SNX24: variants seen among roughly 807,000 people sequenced by gnomAD.
SNX24 encodes the protein sorting nexin 24.
SNX24 carries 22 observed loss-of-function variants against 28.7 expected under a neutral mutation model. The ratio of observed to expected loss-of-function variants is 0.77; its 90% confidence interval spans 0.55 to 1.10. SNX24 has a LOEUF of 1.10. Ranked by LOEUF, SNX24 falls within the 50% of genes least tolerant of loss-of-function variation. The pLI, the probability that SNX24 is intolerant of heterozygous loss-of-function variation, is 0.00. For synonymous variants in SNX24, 69 were observed against 71.5 expected, an observed-to-expected ratio of 0.96 and a Z score of 0.18; for missense variants, 221 against 201.1, an observed-to-expected ratio of 1.10 and a Z score of -0.60.
chr5:122,881,589 C>G (rs1756482538), intron 1 of SNX24, among the ~76,000 whole-genome samples: 1 of 152,168 alleles, frequency 6.6e-6, no homozygotes, highest in Non-Finnish European at 1.5e-5. Flanking sequence ...GTCTTTCTGA[C>G]TTAGCGTGCT....
At chr5:122,890,404 G>A (rs578069638) in intron 1 of SNX24, among the ~76,000 whole-genome samples, 1 of 151,478 alleles carries the variant, frequency 6.6e-6, no homozygotes, top group Non-Finnish European at 1.5e-5. Flanking sequence ...CTCTCTTGTT[G>A]GCAAAATGAT....
At chr5:122,913,481 C>T (rs1247986976) in intron 1 of SNX24, among the ~76,000 whole-genome samples, 5 of 151,836 alleles carry the variant, frequency 3.3e-5, no homozygotes. Context: ...GGCTGCCTGG[C>T]GTAGACGCTC....
chr5:122,916,456 A>T (rs1319552129), intron 1 of SNX24, among the ~76,000 whole-genome samples: 1 of 151,794 alleles, frequency 6.6e-6, no homozygotes, highest in Non-Finnish European at 1.5e-5. Flanking sequence ...CACTTTTCTT[A>T]ATTCTTTAAA....
At chr5:122,965,516 G>T in intron 3 of SNX24, 3 of 452,090 alleles carry the variant, frequency 6.6e-6, no homozygotes, top group South Asian at 4.7e-5. Flanking sequence ...AGATAATTGT[G>T]TAAAGGTAGG....
intron 5 of SNX24, among the ~76,000 whole-genome samples, chr5:123,019,040 T>G (rs1199133731): frequency 1.3e-5 from 2 of 152,138 alleles, no homozygotes; most frequent in Non-Finnish European, 2.9e-5. Context: ...GTTGGTCTTT[T>G]TTTCTGACTT....
At chr5:122,962,380 G>C (rs568887630) in intron 3 of SNX24, among the ~76,000 whole-genome samples, 1 of 152,022 alleles carries the variant, frequency 6.6e-6, no homozygotes, top group Admixed American at 6.5e-5. Context: ...TCAAAATATG[G>C]TATATACTTT....
At position 122,886,702 on chromosome 5, in the gene SNX24, C is replaced by T. The variant is rs186287414; in HGVS notation, c.60+41009C>T. Among the ~76,000 whole-genome samples, 690 of 151,706 alleles carry T rather than the reference C, an allele frequency of 4.5e-3. 4 individuals are homozygous for T. Among genetic ancestry groups the T allele is most frequent in the African/African-American group, 0.016 (648 of 41,342 alleles). ...AAAATTAGCCAGGCGTGGTGGCAGG[C>T]GCCTGTAATCCCAGCTACTCAGGAG... On this transcript the variant is annotated intron_variant, in intron 1 of 6. Transcript: ENST00000261369.
At chr5:123,024,195 A>G (rs530295961) in intron 5 of SNX24, among the ~76,000 whole-genome samples, 1 of 152,326 alleles carries the variant, frequency 6.6e-6, no homozygotes, top group South Asian at 2.1e-4. Flanking sequence ...TAGAAAATAT[A>G]TACATCACAT....
chr5:123,025,842 G>C (rs190810674), intron 5 of SNX24: 1 of 1,614,114 alleles, frequency 6.2e-7, no homozygotes, highest in Non-Finnish European at 8.5e-7. Flanking sequence ...GGTGGGCTTG[G>C]TCAAGGTGAT....
At chr5:123,000,150 C>T (rs1762196769) in intron 4 of SNX24, 144 bp downstream of exon 4, 2 of 636,672 alleles carry the variant, frequency 3.1e-6, no homozygotes, top group African/African-American at 1.8e-5. Context: ...CGCTCGCCCC[C>T]TGCTTTTGGT....
chr5:122,857,845 T>C (rs1755274281), intron 1 of SNX24, among the ~76,000 whole-genome samples: 2 of 152,078 alleles, frequency 1.3e-5, no homozygotes, highest in South Asian at 2.1e-4. Context: ...TGCAGTGGCA[T>C]AATCTCGGCT....
intron 1 of SNX24, among the ~76,000 whole-genome samples, chr5:122,875,815 G>C (rs1391149761): frequency 1.3e-5 from 2 of 152,218 alleles, no homozygotes; most frequent in Non-Finnish European, 2.9e-5. Flanking sequence ...TTGAGACACA[G>C]TCTTGCTCTT....
chr5:122,927,907 C>CT (rs1358163120), intron 1 of SNX24, among the ~76,000 whole-genome samples: 1 of 152,206 alleles, frequency 6.6e-6, no homozygotes, highest in Non-Finnish European at 1.5e-5. Flanking sequence ...CCACCACAGA[C>CT]TAGTTGATGC....
At position 122,897,212 on chromosome 5, in the gene SNX24, A is replaced by G. The variant is rs79824927; in HGVS notation, c.61-39522A>G. Among the ~76,000 whole-genome samples, 26 of 152,310 alleles carry G rather than the reference A, an allele frequency of 1.7e-4. No homozygotes were observed. The East Asian group carries it at 4.6e-3, about 27-fold the overall frequency. ...AGGTGTCACTGTGTACATTAAATGG[A>G]AATCAAAGATGTCATTAGAAGAATT... On this transcript the variant is annotated intron_variant, in intron 1 of 6. Coordinates refer to ENST00000261369, the MANE Select transcript of SNX24 (RefSeq NM_014035.4).
chr5:123,005,492 T>C (rs1349067102), intron 6 of SNX24, among the ~76,000 whole-genome samples: 2 of 152,242 alleles, frequency 1.3e-5, no homozygotes, highest in Non-Finnish European at 1.5e-5. Context: ...TTGTCACTGC[T>C]TAACATGTTA....
At chr5:122,929,724 C>CT (rs766919892) in intron 1 of SNX24, among the ~76,000 whole-genome samples, 73 of 149,474 alleles carry the variant, frequency 4.9e-4, no homozygotes, top group African/African-American at 8.6e-4. Flanking sequence ...TTAATCATAT[C>CT]TTTTTTTTTT....
chr5:122,908,085 C>A (rs898995493), intron 1 of SNX24, among the ~76,000 whole-genome samples: 9 of 152,150 alleles, frequency 5.9e-5, no homozygotes, highest in African/African-American at 1.9e-4. Context: ...ACAAAACAGT[C>A]AGGAGATGGG....
intron 1 of SNX24, among the ~76,000 whole-genome samples, chr5:122,846,043 G>A (rs554476133): frequency 5.3e-4 from 80 of 152,300 alleles, no homozygotes; most frequent in Non-Finnish European, 8.5e-4. Flanking sequence ...AGTCCAGACA[G>A]TAGTAGCTTC....
chr5:122,977,208 C>T (rs1761199434), intron 3 of SNX24, among the ~76,000 whole-genome samples: 1 of 152,140 alleles, frequency 6.6e-6, no homozygotes, highest in Admixed American at 6.5e-5. Flanking sequence ...GGGTTTTAAA[C>T]ATTAAAAGTG....
Sources: allele counts gnomAD v4.1 joint callset (sites outside exome capture counted in the v4.1 genomes callset), GRCh38; gene constraint gnomAD v4.1.1; transcripts MANE v1.5; gene names NCBI Gene and HGNC (gene_info 2026-07-23, HGNC 2026-07-21).